RBFOX1: variants seen among roughly 807,000 people sequenced by gnomAD.
The protein encoded by RBFOX1 is RNA binding fox-1 homolog 1, also known as RNA binding protein fox-1 homolog 1.
A neutral mutation model predicts 57.7 loss-of-function variants in RBFOX1; 8 were observed. That is an observed-to-expected ratio of 0.14 (90% CI 0.08 to 0.25). The LOEUF is 0.25. Among genes scored for constraint, RBFOX1 ranks in the 10% least tolerant of loss-of-function variants. The pLI is 1.00. For missense variants in RBFOX1, 611 were observed against 548.5 expected, an observed-to-expected ratio of 1.11 and a Z score of -1.14; for synonymous variants, 326 against 222.4, an observed-to-expected ratio of 1.47 and a Z score of -4.15.
chr16:5,658,195 G>C (rs1254574840), intron 3 of RBFOX1, among the ~76,000 whole-genome samples: 2 of 152,148 alleles, frequency 1.3e-5, no homozygotes, highest in Non-Finnish European at 2.9e-5. Flanking sequence ...CGCAGACCTG[G>C]GCATGATTTC....
chr16:7,084,049 C>A (rs1172107365), intron 4 of RBFOX1, among the ~76,000 whole-genome samples: 1 of 152,104 alleles, frequency 6.6e-6, no homozygotes, highest in Admixed American at 6.5e-5. Context: ...AGGTCATTTA[C>A]CCTAATCCCA....
chr16:5,339,556 C>T (rs1423402250), intron 1 of RBFOX1, among the ~76,000 whole-genome samples: 1 of 131,050 alleles, frequency 7.6e-6, no homozygotes, highest in African/African-American at 2.8e-5. Context: ...AATCTTAGCT[C>T]ACTGCAAGCT....
chr16:6,142,935 G>T (rs1189947792), intron 1 of RBFOX1, among the ~76,000 whole-genome samples: 1 of 152,142 alleles, frequency 6.6e-6, no homozygotes, highest in Non-Finnish European at 1.5e-5. Context: ...TCCCTCCTCT[G>T]TTACTCCTGA....
intron 3 of RBFOX1, among the ~76,000 whole-genome samples, chr16:5,802,716 A>T (rs929626631): frequency 1.3e-5 from 2 of 152,208 alleles, no homozygotes; most frequent in Non-Finnish European, 2.9e-5. Context: ...TACTAACTAA[A>T]GCCCTTCTGG....
chr16:6,922,838 G>C (rs2074774370), intron 3 of RBFOX1, among the ~76,000 whole-genome samples: 1 of 152,190 alleles, frequency 6.6e-6, no homozygotes. Flanking sequence ...TGGTGTCACA[G>C]AGCACATCAT....
chr16:5,454,837 TTTCC>T (rs1315215292), intron 1 of RBFOX1, among the ~76,000 whole-genome samples: 1,733 of 140,142 alleles, frequency 0.012, 59 homozygotes, highest in African/African-American at 0.045. Flanking sequence ...CCTTGCTTTC[TTTCC>T]TTTCTTTCTT....
At chr16:7,368,196 G>A (rs1218496434) in intron 4 of RBFOX1, among the ~76,000 whole-genome samples, 1 of 151,448 alleles carries the variant, frequency 6.6e-6, no homozygotes. Flanking sequence ...GAACCCGGGA[G>A]GTGGAGGTTG....
At chr16:6,289,506 G>A (rs905321027) in intron 1 of RBFOX1, among the ~76,000 whole-genome samples, 4 of 152,060 alleles carry the variant, frequency 2.6e-5, no homozygotes, top group East Asian at 1.9e-4. Context: ...TTCTTGAGTC[G>A]GCTAATGCTA....
chr16:6,899,989 C>T (rs956879504), intron 3 of RBFOX1, among the ~76,000 whole-genome samples: 5 of 152,294 alleles, frequency 3.3e-5, no homozygotes, highest in Admixed American at 1.3e-4. Flanking sequence ...CCTTTCTGTG[C>T]TTCTGTTTCC....
chr16:6,434,746 C>G (rs1280906347), intron 2 of RBFOX1, among the ~76,000 whole-genome samples: 1 of 152,152 alleles, frequency 6.6e-6, no homozygotes, highest in Non-Finnish European at 1.5e-5. Context: ...TTGCTAACAG[C>G]CTATAATCTG....
chr16:5,813,676 A>G (rs2055517873), intron 3 of RBFOX1, among the ~76,000 whole-genome samples: 1 of 152,222 alleles, frequency 6.6e-6, no homozygotes, highest in Admixed American at 6.5e-5. Context: ...GTGATTTGCA[A>G]ATAGTTTATC....
chr16:6,648,498 C>T (rs1364940132), intron 2 of RBFOX1, among the ~76,000 whole-genome samples: 1 of 152,146 alleles, frequency 6.6e-6, no homozygotes, highest in Admixed American at 6.5e-5. Context: ...CTTTAAGAGT[C>T]TAGTGCCGTG....
chr16:6,326,160 T>G (rs1362006174), intron 2 of RBFOX1, among the ~76,000 whole-genome samples: 1 of 152,230 alleles, frequency 6.6e-6, no homozygotes, highest in Non-Finnish European at 1.5e-5. Context: ...GCTATGACAT[T>G]GATATGGAAG....
intron 4 of RBFOX1, among the ~76,000 whole-genome samples, chr16:7,477,670 A>G (rs9930926): frequency 0.017 from 2,552 of 152,234 alleles, 96 homozygotes; most frequent in African/African-American, 0.059. Context: ...AGTCAAGTCC[A>G]CTGCATTGGT....
At chr16:6,977,947 A>AAAAAATAAAT (rs57981662) in intron 3 of RBFOX1, among the ~76,000 whole-genome samples, 51,142 of 145,896 alleles carry the variant, frequency 0.35, 11,317 homozygotes, top group Non-Finnish European at 0.47. Context: ...GAAAAAAAAA[A>AAAAAATAAAT]AAAAGGCAAA....
chr16:7,532,279 C>T lies in RBFOX1; in HGVS notation c.270+13890C>T, dbSNP rs531383690. On this transcript the variant is annotated intron_variant, in intron 5 of 15. Coordinates refer to ENST00000550418, the MANE Select transcript of RBFOX1 (RefSeq NM_018723.4). ...GCCGGGAGTTGCCTGGGGTTCCAGGCGGTGACATTCATCTGGTGGCTCCAC... is the reference window on the plus strand; with the variant it reads ...GCCGGGAGTTGCCTGGGGTTCCAGGTGGTGACATTCATCTGGTGGCTCCAC... Among the ~76,000 whole-genome samples the T allele has an allele frequency of 1.2e-4, 18 of 151,896 alleles. No individual in the cohort carries two copies. The South Asian group carries it at 3.7e-3, about 32-fold the overall frequency.
rs1567631411 is a variant in RBFOX1, at chr16:5,856,259, A to ATATG, written c.319-11043_319-11042insATGT. Among the ~76,000 whole-genome samples, 7 of 35,162 alleles carry ATATG rather than the reference A, an allele frequency of 2.0e-4. 1 individual carries two copies. The highest frequency in any genetic ancestry group is 1.5e-3 in the East Asian group (2 of 1,310). The allele number at this position is 35,162 out of a possible 152,430, so 23.1% of individuals were successfully genotyped here. A position where few individuals can be genotyped will look rare whatever the true frequency, so the allele number is the denominator to read the frequency against. On this transcript the variant is annotated intron_variant, in intron 3 of 19. Coordinates refer to the RBFOX1 transcript ENST00000641259. ...TATATGTGTATATATATGTATATATATGTATATATATATACACATATATAT... is the reference window on the plus strand; with the variant it reads ...TATATGTGTATATATATGTATATATATATGTGTATATATATATACACATATATAT...
chr16:7,259,090 C>T (rs1263765329), intron 4 of RBFOX1, among the ~76,000 whole-genome samples: 2 of 152,134 alleles, frequency 1.3e-5, no homozygotes, highest in Non-Finnish European at 2.9e-5. Context: ...TATGAAAAGT[C>T]CATGAGAAGC....
chr16:7,326,388 T>C (rs1003493891), intron 4 of RBFOX1, among the ~76,000 whole-genome samples: 1 of 152,046 alleles, frequency 6.6e-6, no homozygotes. Flanking sequence ...GGATGGGATG[T>C]ATATATAAGC....
Sources: gnomAD v4.1 joint callset for allele counts (sites outside exome capture counted in the v4.1 genomes callset) on GRCh38, gnomAD v4.1.1 for gene constraint, MANE v1.5 for transcripts, NCBI Gene and HGNC (gene_info 2026-07-23, HGNC 2026-07-21) for gene names.